The following CDH12 variants were observed in gnomAD, a reference collection of about 807,000 sequenced individuals.
CDH12 encodes cadherin 12.
In CDH12, 41 loss-of-function variants were observed where a neutral mutation model predicts 74.1. The ratio of observed to expected loss-of-function variants is 0.55; its 90% CI spans 0.43 to 0.72. The LOEUF (loss-of-function observed/expected upper bound fraction) is 0.72, where lower values mean the gene tolerates loss of function less well. Ranked by LOEUF, CDH12 falls within the 30% of genes least tolerant of loss-of-function variation. The pLI, the probability that CDH12 is intolerant of heterozygous loss-of-function variation, is 0.00. For missense variants in CDH12, 945 were observed against 977.2 expected, an observed-to-expected ratio of 0.97 and a Z score of 0.44; for synonymous variants, 399 against 355.0, an observed-to-expected ratio of 1.12 and a Z score of -1.39.
chr5:22,170,114 C>T (rs1179407012), intron 4 of CDH12, among the ~76,000 whole-genome samples: 4 of 151,714 alleles, frequency 2.6e-5, no homozygotes, highest in African/African-American at 2.4e-5. Context: ...AATAACACAC[C>T]TACAAAGGCA....
intron 3 of CDH12, among the ~76,000 whole-genome samples, chr5:22,227,244 T>A (rs1200076700): frequency 4.6e-5 from 7 of 152,066 alleles, no homozygotes; most frequent in African/African-American, 1.7e-4. Context: ...AATCCCCATC[T>A]GGTAAGTGTT....
intron 1 of CDH12, among the ~76,000 whole-genome samples, chr5:22,649,805 A>G (rs1430869718): frequency 6.6e-6 from 1 of 151,984 alleles, no homozygotes; most frequent in Admixed American, 6.6e-5. Flanking sequence ...TAAAATCCAG[A>G]TATCCATTAT....
intron 4 of CDH12, among the ~76,000 whole-genome samples, chr5:22,110,256 C>A (rs1222495249): frequency 1.3e-5 from 2 of 152,116 alleles, no homozygotes; most frequent in African/African-American, 4.8e-5. Context: ...GCCAATATGC[C>A]AGAGCACCCT....
chr5:21,755,718 A>C lies in CDH12; in HGVS notation c.1758T>G (p.Thr586=), dbSNP rs754687936. 2 of 1,614,168 alleles carry C rather than the reference A, an allele frequency of 1.2e-6. No individual in the cohort carries two copies. The highest frequency in any genetic ancestry group is 3.3e-5 in the Admixed American group (2 of 60,022). ...YPVQSSTNTM[T]IRVCRCDSDG... Reference sequence around the variant, plus strand: ...CAGAGTCACATCTACAGACTCGAATAGTCATTGTGTTTGTGCTGCTCTGGA... The same window carrying C: ...CAGAGTCACATCTACAGACTCGAATCGTCATTGTGTTTGTGCTGCTCTGGA... Residue 586 remains threonine, a synonymous_variant, in exon 14 of 15, where the codon ACT becomes ACG. Coordinates refer to ENST00000382254, the MANE Select transcript of CDH12 (RefSeq NM_004061.5).
chr5:22,494,405 C>T (rs760529759), intron 2 of CDH12, among the ~76,000 whole-genome samples: 8 of 152,170 alleles, frequency 5.3e-5, no homozygotes, highest in East Asian at 1.9e-4. Flanking sequence ...CCCTGAGCTG[C>T]GGGCAGGCTC....
intron 5 of CDH12, among the ~76,000 whole-genome samples, chr5:22,012,353 C>A (rs1016478456): frequency 9.9e-5 from 15 of 151,810 alleles, no homozygotes; most frequent in African/African-American, 2.9e-4. Flanking sequence ...TAGTGAGAAA[C>A]AGAATAAGTT....
intron 3 of CDH12, among the ~76,000 whole-genome samples, chr5:22,226,000 C>T (rs531798270): frequency 6.6e-6 from 1 of 151,764 alleles, no homozygotes; most frequent in South Asian, 2.1e-4. Flanking sequence ...CAACATCAGA[C>T]ATAGAATATT....
At chr5:22,092,264 A>C (rs1743479487) in intron 4 of CDH12, among the ~76,000 whole-genome samples, 1 of 152,078 alleles carries the variant, frequency 6.6e-6, no homozygotes, top group Non-Finnish European at 1.5e-5. Context: ...GATAAAGACA[A>C]GCTGGACTTT....
At chr5:22,839,026 A>G (rs1057491899) in intron 1 of CDH12, among the ~76,000 whole-genome samples, 3 of 152,118 alleles carry the variant, frequency 2.0e-5, no homozygotes, top group African/African-American at 7.2e-5. Flanking sequence ...TTAAGATAAA[A>G]GTTTTTGTTG....
intron 2 of CDH12, among the ~76,000 whole-genome samples, chr5:22,498,270 T>A (rs1025188826): frequency 5.9e-5 from 9 of 152,008 alleles, no homozygotes; most frequent in Admixed American, 4.6e-4. Flanking sequence ...TATAAACTTA[T>A]TTATACATAA....
chr5:22,818,797 A>C (rs1212875711), intron 1 of CDH12, among the ~76,000 whole-genome samples: 1 of 152,172 alleles, frequency 6.6e-6, no homozygotes, highest in Non-Finnish European at 1.5e-5. Context: ...AAATATGCCT[A>C]GAAAAGGAAA....
At chr5:22,024,384 C>G (rs898237928) in intron 5 of CDH12, among the ~76,000 whole-genome samples, 4 of 152,110 alleles carry the variant, frequency 2.6e-5, no homozygotes, top group African/African-American at 9.7e-5. Context: ...TTTGCATTTT[C>G]TCACTTAAAA....
intron 6 of CDH12, among the ~76,000 whole-genome samples, chr5:21,873,180 G>A (rs1328623095): frequency 1.3e-5 from 2 of 152,006 alleles, no homozygotes; most frequent in Non-Finnish European, 2.9e-5. Flanking sequence ...CTAATCCTAT[G>A]AACTGTTCAT....
intron 1 of CDH12, among the ~76,000 whole-genome samples, chr5:22,828,134 G>A (rs1736424894): frequency 6.6e-6 from 1 of 152,154 alleles, no homozygotes; most frequent in South Asian, 2.1e-4. Flanking sequence ...CAAATAATCT[G>A]ATTAGAAAAT....
Position 22,630,537 on chromosome 5 carries a change from G to A in CDH12, c.-522-125173C>T, listed in dbSNP as rs73062258. ...TCAACGGTTGGCCAAAACAAGCAACGGTGAAAGAACTACCTATTCAATAAG... is the reference window on the plus strand; with the variant it reads ...TCAACGGTTGGCCAAAACAAGCAACAGTGAAAGAACTACCTATTCAATAAG... On this transcript the variant is annotated intron_variant, in intron 1 of 14. Coordinates refer to ENST00000382254, the MANE Select transcript of CDH12 (RefSeq NM_004061.5). Among the ~76,000 whole-genome samples the A allele has an allele frequency of 2.6e-5, 4 of 152,180 alleles. 1 individual carries two copies. The highest frequency in any genetic ancestry group is 9.6e-5 in the African/African-American group (4 of 41,542).
At chr5:22,659,297 T>C (rs6888198) in intron 1 of CDH12, among the ~76,000 whole-genome samples, 20,399 of 152,096 alleles carry the variant, frequency 0.13, 1,849 homozygotes, top group African/African-American at 0.23. Flanking sequence ...TTAGAGAAAT[T>C]ACCTCTATCT....
At chr5:22,081,511 CAG>C (rs1742726212) in intron 4 of CDH12, among the ~76,000 whole-genome samples, 1 of 152,124 alleles carries the variant, frequency 6.6e-6, no homozygotes, top group Admixed American at 6.6e-5. Context: ...AAATGGGTGA[CAG>C]AAACTCTGAC....
chr5:22,394,327 C>A (rs1742365207), intron 3 of CDH12, among the ~76,000 whole-genome samples: 1 of 152,106 alleles, frequency 6.6e-6, no homozygotes, highest in Non-Finnish European at 1.5e-5. Flanking sequence ...ACTGTTATAG[C>A]AGACATACTG....
chr5:22,271,843 G>C lies in CDH12; in HGVS notation c.-332-59200C>G, dbSNP rs574784759. ...CAACAGTGAGTCTAAAATATTAGGT[G>C]AACTGTGTTATAAACAATCATGCTA... On this transcript the variant is annotated intron_variant, in intron 3 of 14. Coordinates refer to ENST00000382254, the MANE Select transcript of CDH12 (RefSeq NM_004061.5). Among the ~76,000 whole-genome samples the C allele has an allele frequency of 5.3e-5, 8 of 151,906 alleles. No homozygotes were observed. The South Asian group carries it at 1.7e-3, about 32-fold the overall frequency.
Sources: allele counts gnomAD v4.1 joint callset (sites outside exome capture counted in the v4.1 genomes callset), GRCh38; gene constraint gnomAD v4.1.1; transcripts MANE v1.5; gene names NCBI Gene and HGNC (gene_info 2026-07-23, HGNC 2026-07-21).